Variants in PKIG observed in about 807,000 individuals in gnomAD.
PKIG encodes the protein protein kinase (cAMP-dependent, catalytic) inhibitor gamma.
In PKIG, 1 loss-of-function variant was observed where a neutral mutation model predicts 6.8. The ratio of observed to expected loss-of-function variants is 0.15; its 90% CI spans 0.05 to 0.69. PKIG has a LOEUF of 0.69. Among genes scored for constraint, PKIG ranks in the 30% least tolerant of loss-of-function variants. PKIG has a pLI of 0.82. For synonymous variants in PKIG, 39 were observed against 43.0 expected, an observed-to-expected ratio of 0.91 and a Z score of 0.36; for missense variants, 77 against 104.0, an observed-to-expected ratio of 0.74 and a Z score of 1.13.
intron 1 of PKIG, among the ~76,000 whole-genome samples, chr20:44,557,197 A>T (rs932999624): frequency 3.3e-5 from 5 of 151,932 alleles, no homozygotes; most frequent in South Asian, 4.2e-4. Flanking sequence ...TAAATGTTTT[A>T]AAAAAAACTA....
chr20:44,614,798 T>G lies in PKIG; in HGVS notation c.151+91T>G. 7.4e-7 allele frequency: 1 copy of G among 1,345,096 alleles called. No homozygotes were observed. The highest frequency in any genetic ancestry group is 2.4e-5 in the East Asian group (1 of 42,110). The allele number at this position is 1,345,096 out of a possible 1,614,324, so 83.3% of individuals were successfully genotyped here. A position where few individuals can be genotyped will look rare whatever the true frequency, so the allele number is the denominator to read the frequency against. On this transcript the variant is annotated intron_variant, in intron 3 of 3. Coordinates refer to ENST00000372886, the MANE Select transcript of PKIG (RefSeq NM_001281445.2). This position sits in a 1 kb window ranked among gnomAD's most constrained non-coding sequence, Gnocchi z 4.6. ...CTCCAAGTCCTAGACTGCCCATACTTTCTTAGAGAAGAAACCACATTTAAG... is the reference window on the plus strand; with the variant it reads ...CTCCAAGTCCTAGACTGCCCATACTGTCTTAGAGAAGAAACCACATTTAAG...
chr20:44,606,788 G>A (rs114461786), intron 2 of PKIG, among the ~76,000 whole-genome samples: 11 of 152,326 alleles, frequency 7.2e-5, no homozygotes, highest in African/African-American at 2.2e-4. Context: ...CAGCATGGGC[G>A]ACAGAACAAG....
At chr20:44,571,942 C>T (rs987716113) in intron 1 of PKIG, among the ~76,000 whole-genome samples, 2 of 149,558 alleles carry the variant, frequency 1.3e-5, no homozygotes, top group South Asian at 4.1e-4. Flanking sequence ...CTTTAATCAT[C>T]GTAGAAACGT....
At chr20:44,612,839 A>G (rs768782211) in intron 2 of PKIG, among the ~76,000 whole-genome samples, 2 of 152,224 alleles carry the variant, frequency 1.3e-5, no homozygotes, top group African/African-American at 2.4e-5. Context: ...GGATGGGCAC[A>G]GAGACTTTCA....
At chr20:44,555,430 A>G (rs544498053) in intron 1 of PKIG, among the ~76,000 whole-genome samples, 8 of 152,334 alleles carry the variant, frequency 5.3e-5, no homozygotes, top group Non-Finnish European at 7.4e-5. Context: ...AAGTTTATAA[A>G]TATTCTTGTA....
chr20:44,587,907 G>T (rs1381601814), intron 1 of PKIG, among the ~76,000 whole-genome samples: 1 of 152,188 alleles, frequency 6.6e-6, no homozygotes, highest in Non-Finnish European at 1.5e-5. Context: ...TTTCCTGGAC[G>T]TGTGTGTAGA....
At chr20:44,547,554 G>A (rs2064626588) in intron 1 of PKIG, among the ~76,000 whole-genome samples, 1 of 152,106 alleles carries the variant, frequency 6.6e-6, no homozygotes, top group Non-Finnish European at 1.5e-5. Context: ...AGGAAAGTGG[G>A]AAGAACAATG....
chr20:44,570,872 A>G (rs1484598646), intron 1 of PKIG, among the ~76,000 whole-genome samples: 1 of 152,194 alleles, frequency 6.6e-6, no homozygotes, highest in African/African-American at 2.4e-5. Flanking sequence ...CATCTCAGCT[A>G]AGGTCTCAGT....
At chr20:44,578,829 C>T (rs1252030955), upstream of PKIG, among the ~76,000 whole-genome samples, 1 of 152,102 alleles carries the variant, frequency 6.6e-6, no homozygotes, top group Admixed American at 6.5e-5. Flanking sequence ...ATAATTATAC[C>T]TACCTCATAG....
intron 2 of PKIG, among the ~76,000 whole-genome samples, chr20:44,600,939 C>G (rs2065116624): frequency 6.6e-6 from 1 of 152,004 alleles, no homozygotes; most frequent in African/African-American, 2.4e-5. Flanking sequence ...AGGGTTGCAG[C>G]TCTTTGAAGG....
chr20:44,578,083 G>A (rs1285368224), upstream of PKIG, among the ~76,000 whole-genome samples: 3 of 152,074 alleles, frequency 2.0e-5, no homozygotes, highest in Non-Finnish European at 4.4e-5. Context: ...GCTCATGCCT[G>A]TAATCCCAGC....
intron 1 of PKIG, among the ~76,000 whole-genome samples, chr20:44,575,925 A>C (rs922251955): frequency 6.6e-6 from 1 of 152,066 alleles, no homozygotes; most frequent in Admixed American, 6.6e-5. Context: ...GGGGTCCCAC[A>C]CCATTCCTTG....
intron 1 of PKIG, among the ~76,000 whole-genome samples, chr20:44,575,673 G>T (rs1460166036): frequency 1.3e-5 from 2 of 152,168 alleles, no homozygotes; most frequent in African/African-American, 4.8e-5. Context: ...GGCCCTTCAC[G>T]TGTTAGCATA....
intron 1 of PKIG, among the ~76,000 whole-genome samples, chr20:44,541,588 A>T (rs966056125): frequency 2.0e-5 from 3 of 152,186 alleles, no homozygotes; most frequent in Non-Finnish European, 4.4e-5. Flanking sequence ...TAAGAAAATA[A>T]ATATGTATTA....
chr20:44,552,125 T>C (rs532051045), intron 1 of PKIG, among the ~76,000 whole-genome samples: 103 of 152,342 alleles, frequency 6.8e-4, no homozygotes, highest in African/African-American at 2.4e-3. Context: ...GTCTCAACTG[T>C]TACTACCCCT....
chr20:44,546,266 G>A, intron 1 of PKIG, among the ~76,000 whole-genome samples: 1 of 151,990 alleles, frequency 6.6e-6, no homozygotes, highest in East Asian at 1.9e-4. Context: ...GAGAAGGAGA[G>A]GAGAGAGGAG....
intron 1 of PKIG, among the ~76,000 whole-genome samples, chr20:44,571,224 A>AAATAATAAT (rs140802204): frequency 2.2e-4 from 33 of 150,196 alleles, no homozygotes; most frequent in African/African-American, 3.7e-4. Flanking sequence ...AGAGAGACTC[A>AAATAATAAT]AATAATAATA....
At chr20:44,567,375 A>C (rs1358501329) in intron 1 of PKIG, among the ~76,000 whole-genome samples, 1 of 152,222 alleles carries the variant, frequency 6.6e-6, no homozygotes, top group African/African-American at 2.4e-5. Flanking sequence ...CTGGCTCAGG[A>C]GCTCAGAGGC....
intron 1 of PKIG, among the ~76,000 whole-genome samples, chr20:44,547,787 C>T (rs1159610775): frequency 6.6e-6 from 1 of 152,132 alleles, no homozygotes; most frequent in Non-Finnish European, 1.5e-5. Flanking sequence ...GTAATCCCAG[C>T]AGTTTGGGAG....
Sources: allele counts gnomAD v4.1 joint callset (sites outside exome capture counted in the v4.1 genomes callset), GRCh38; gene constraint gnomAD v4.1.1; non-coding constraint Gnocchi (gnomAD v3.1); transcripts MANE v1.5; gene names NCBI Gene and HGNC (gene_info 2026-07-23, HGNC 2026-07-21).